The following ALMS1 variants were observed in gnomAD, a reference collection of about 807,000 sequenced individuals.
The protein encoded by ALMS1 is ALMS1 centrosome and basal body associated protein.
Under a neutral mutation model 352.2 loss-of-function variants are expected in ALMS1, and 271 were observed. The ratio of observed to expected loss-of-function variants is 0.77; its 90% confidence interval spans 0.70 to 0.85. The LOEUF is 0.85. Ranked by LOEUF, ALMS1 falls within the 40% of genes least tolerant of loss-of-function variation. ALMS1 has a pLI of 0.00. For synonymous variants in ALMS1, 1,865 were observed against 1,761.2 expected, an observed-to-expected ratio of 1.06 and a Z score of -1.48; for missense variants, 5,445 against 4,870.7, an observed-to-expected ratio of 1.12 and a Z score of -3.51.
chr2:73,514,712 G>A (rs1394747257), intron 10 of ALMS1, among the ~76,000 whole-genome samples: 1 of 152,016 alleles, frequency 6.6e-6, no homozygotes, highest in Non-Finnish European at 1.5e-5. Context: ...TTTTCCTTCA[G>A]CCTAAAAAAT....
chr2:73,531,556 A>G (rs1203999986), intron 11 of ALMS1, among the ~76,000 whole-genome samples: 1 of 152,142 alleles, frequency 6.6e-6, no homozygotes, highest in Non-Finnish European at 1.5e-5. Flanking sequence ...GTCTTCCTCT[A>G]AGCCCTCCAG....
chr2:73,437,038 A>G (rs763401868), intron 7 of ALMS1, among the ~76,000 whole-genome samples: 1 of 151,804 alleles, frequency 6.6e-6, no homozygotes. Context: ...AACGTTTGAT[A>G]TTTTTGTTGT....
intron 7 of ALMS1, among the ~76,000 whole-genome samples, chr2:73,439,131 T>TA (rs1553402317): frequency 6.7e-5 from 10 of 150,282 alleles, no homozygotes; most frequent in African/African-American, 1.7e-4. Flanking sequence ...TTTTTTTTTT[T>TA]AAATAAAGAT....
chr2:73,608,135 T>C (rs1484457117), intron 21 of ALMS1, among the ~76,000 whole-genome samples: 1 of 152,224 alleles, frequency 6.6e-6, no homozygotes, highest in Non-Finnish European at 1.5e-5. Flanking sequence ...ACGCTGTTCA[T>C]TATCTTATAT....
intron 1 of ALMS1, among the ~76,000 whole-genome samples, chr2:73,404,586 A>G (rs1296664957): frequency 6.6e-6 from 1 of 151,948 alleles, no homozygotes; most frequent in African/African-American, 2.4e-5. Flanking sequence ...ACATTGATCA[A>G]TTTTTGTATG....
intron 21 of ALMS1, chr2:73,603,825 A>G (rs2104204575): frequency 6.4e-6 from 1 of 156,126 alleles, no homozygotes; most frequent in East Asian, 1.9e-4. Context: ...GTGCCACTGT[A>G]CTCCAGTCTG....
intron 9 of ALMS1, among the ~76,000 whole-genome samples, chr2:73,479,670 C>A (rs545875981): frequency 6.6e-6 from 1 of 152,268 alleles, no homozygotes; most frequent in Admixed American, 6.5e-5. Flanking sequence ...ACCAGTACAG[C>A]TGCTGTAAAC....
rs1675626491 is a variant in ALMS1 at position 73,599,516 on chromosome 2, A to G, written c.11663A>G (p.Gln3888Arg). 6.2e-7 allele frequency: 1 copy of G among 1,613,446 alleles called. No homozygotes were observed. The highest frequency in any genetic ancestry group is 1.3e-5 in the African/African-American group (1 of 74,924). ...GTACACATGTTAAACAAGGGCATAC[A>G]AGCAGGTAATTACTTGAATCTAAAC... ...QNVHMLNKGI[Q>R]AGNLEIVNGA... Residue 3888 changes from glutamine (Q) to arginine (R), a missense_variant, in exon 17 of 23, where the codon CAA (glutamine) becomes CGA (arginine). Physicochemically the swap from Gln to Arg is conservative, Grantham distance 43. Transcript: ENST00000613296.
At chr2:73,497,391 C>T (rs1673131320) in intron 10 of ALMS1, among the ~76,000 whole-genome samples, 1 of 151,952 alleles carries the variant, frequency 6.6e-6, no homozygotes, top group Admixed American at 6.6e-5. Context: ...TTAGTGCACC[C>T]ATCACCCGAG....
At chr2:73,601,467 A>G (rs1675687029) in intron 19 of ALMS1, 31 bp downstream of exon 19, 1 of 1,610,418 alleles carries the variant, frequency 6.2e-7, no homozygotes, top group Non-Finnish European at 8.5e-7. Context: ...CTTTAATGCT[A>G]CGTGTAGGGA....
At chr2:73,488,992 T>C (rs988519536) in intron 9 of ALMS1, among the ~76,000 whole-genome samples, 2 of 152,174 alleles carry the variant, frequency 1.3e-5, no homozygotes, top group African/African-American at 4.8e-5. Flanking sequence ...TTTTTTCACG[T>C]CATTGTTCAT....
At chr2:73,409,156 G>A (rs1222670390) in intron 2 of ALMS1, among the ~76,000 whole-genome samples, 1 of 152,108 alleles carries the variant, frequency 6.6e-6, no homozygotes, top group Non-Finnish European at 1.5e-5. Flanking sequence ...GATTACAGGA[G>A]TGAGCCACCA....
intron 15 of ALMS1, among the ~76,000 whole-genome samples, chr2:73,570,942 T>A (rs1041436961): frequency 6.6e-6 from 1 of 152,228 alleles, no homozygotes; most frequent in Non-Finnish European, 1.5e-5. Flanking sequence ...CTAGCTACCA[T>A]TTCCCAGTAA....
Position 73,519,795 on chromosome 2 carries a change from C to T in ALMS1, c.9560C>T (p.Thr3187Ile). ...GTCAGATTACCAGAGAAGATGAAGA[C>T]CCCACTTTCTGCTTTCTCTGAAAAA... is the stretch of plus-strand genomic sequence containing the variant. ...FADRLPEKMKTPLSAFSEKLS... is the reference protein window; with the variant it reads ...FADRLPEKMKIPLSAFSEKLS... Residue 3187 changes from threonine to isoleucine, a missense_variant, in exon 11 of 23, where the codon ACC becomes ATC. Coordinates refer to ENST00000613296, the MANE Select transcript of ALMS1 (RefSeq NM_001378454.1). 3 of 1,614,000 alleles carry T rather than the reference C, an allele frequency of 1.9e-6. No individual in the cohort carries two copies. The highest frequency in any genetic ancestry group is 2.5e-6 in the Non-Finnish European group (3 of 1,179,936).
At position 73,572,367 on chromosome 2, in the gene ALMS1, G is replaced by C; in HGVS notation, c.10490G>C (p.Cys3497Ser). The C allele has an allele frequency of 1.9e-6, 3 of 1,609,076 alleles. No individual in the cohort carries two copies. Among genetic ancestry groups the C allele is most frequent in the Non-Finnish European group, 2.5e-6 (3 of 1,178,070 alleles). Residue 3497 changes from cysteine to serine, a missense_variant, in exon 16 of 23, where the codon TGC becomes TCC. Transcript: ENST00000613296. ...PVHLPSDQDI[C>S]HESLGKSVFM... ...CACCTACCAAGTGATCAAGATATTT[G>C]CCATGAATCTTTGGGAAAGAGTGTT... is the stretch of plus-strand genomic sequence containing the variant.
intron 12 of ALMS1, among the ~76,000 whole-genome samples, chr2:73,535,806 A>G (rs1221549993): frequency 6.6e-6 from 1 of 152,126 alleles, no homozygotes; most frequent in South Asian, 2.1e-4. Flanking sequence ...TGAGTTGTCG[A>G]CGGGATATGA....
chr2:73,494,023 T>C (rs1180972129), intron 10 of ALMS1, among the ~76,000 whole-genome samples: 8 of 152,204 alleles, frequency 5.3e-5, no homozygotes, highest in Non-Finnish European at 8.8e-5. Context: ...TCACAGGGCT[T>C]GCCTGAGAGG....
chr2:73,609,610 T>G lies in ALMS1; in HGVS notation c.12505T>G (p.Ter4169GlyextTer28). The G allele has an allele frequency of 6.2e-7, 1 of 1,614,060 alleles. No homozygotes were observed. Among genetic ancestry groups the G allele is most frequent in the Non-Finnish European group, 8.5e-7 (1 of 1,179,882 alleles). The change falls in exon 23 of 23, where the codon TGA (stop) becomes GGA (glycine). Residue 4169 changes from the stop codon to glycine, a stop_lost. Transcript: ENST00000613296. ...TCTGGGGAGAAAAGTTCCCTGGGAC[T>G]GACACAAGTTTATTTTCCTCAGAGC... is the stretch of plus-strand genomic sequence containing the variant. ...QLLGRKVPWD[*>G]
intron 10 of ALMS1, among the ~76,000 whole-genome samples, chr2:73,518,504 T>C (rs946673188): frequency 5.9e-5 from 9 of 152,206 alleles, no homozygotes; most frequent in Non-Finnish European, 1.2e-4. Context: ...CTGAGTCAAA[T>C]GGTGCATCTG....
Sources: allele counts gnomAD v4.1 joint callset (sites outside exome capture counted in the v4.1 genomes callset), GRCh38; gene constraint gnomAD v4.1.1; transcripts MANE v1.5; gene names NCBI Gene and HGNC (gene_info 2026-07-23, HGNC 2026-07-21).